SH3TC1: variants seen among roughly 807,000 people sequenced by gnomAD.
SH3TC1 encodes the protein SH3 domain and tetratricopeptide repeats 1.
In SH3TC1, 135 loss-of-function variants were observed where a neutral mutation model predicts 117.3. The ratio of observed to expected loss-of-function variants is 1.15; its 90% CI spans 1.00 to 1.33. SH3TC1 has a LOEUF of 1.33. SH3TC1 is among the 40% of genes most tolerant of loss of function. The pLI is 0.00. For synonymous variants in SH3TC1, 898 were observed against 816.9 expected, an observed-to-expected ratio of 1.10 and a Z score of -1.69; for missense variants, 2,092 against 1,794.3, an observed-to-expected ratio of 1.17 and a Z score of -3.00.
chr4:8,227,327 C>A lies in SH3TC1; in HGVS notation c.1633C>A (p.Gln545Lys). 6.2e-7 allele frequency: 1 copy of A among 1,609,310 alleles called. No individual in the cohort carries two copies. The stretch of plus-strand genomic sequence containing the variant: ...GGAGGAGCTGACTGGGCGCCTGGCA[C>A]AGGCCCGGGGGGCGGCCAAGAAAGC... Reference protein sequence around the residue: ...DEEELTGRLAQARGAAKKAGL... With the variant: ...DEEELTGRLAKARGAAKKAGL... The change falls in exon 12 of 18, where the codon CAG becomes AAG. Residue 545 changes from glutamine to lysine, a missense_variant. Gln to Lys is a moderately conservative substitution (Grantham distance 53, BLOSUM62 1). Coordinates refer to ENST00000245105, the MANE Select transcript of SH3TC1 (RefSeq NM_018986.5).
chr4:8,230,593 T>C (rs572293734), intron 12 of SH3TC1, among the ~76,000 whole-genome samples: 116 of 152,328 alleles, frequency 7.6e-4, no homozygotes, highest in African/African-American at 2.7e-3. Context: ...ATTTCCACTC[T>C]CATGTTTATT....
chr4:8,227,322 T>C lies in SH3TC1; in HGVS notation c.1628T>C (p.Leu543Pro), dbSNP rs1720565155. Reference protein sequence around the residue: ...FSDEEELTGRLAQARGAAKKA... With the variant: ...FSDEEELTGRPAQARGAAKKA... ...GACGAGGAGGAGCTGACTGGGCGCCTGGCACAGGCCCGGGGGGCGGCCAAG... is the reference window on the plus strand; with the variant it reads ...GACGAGGAGGAGCTGACTGGGCGCCCGGCACAGGCCCGGGGGGCGGCCAAG... Residue 543 changes from leucine (L) to proline (P), a missense_variant, in exon 12 of 18, where the codon CTG (leucine) becomes CCG (proline). Transcript: ENST00000245105. The C allele has an allele frequency of 6.2e-7, 1 of 1,609,946 alleles. No homozygotes were observed. The highest frequency in any genetic ancestry group is 2.2e-5 in the East Asian group (1 of 44,856).
intron 4 of SH3TC1, chr4:8,213,218 C>T (rs766416917): frequency 5.4e-6 from 1 of 185,470 alleles, no homozygotes; most frequent in South Asian, 1.1e-4. Flanking sequence ...TCTGCACATA[C>T]CAGCCTTCTG....
rs1719490909 is a variant in SH3TC1 at position 8,218,154 on chromosome 4, G to C, written c.840-117G>C. On this transcript the variant is annotated intron_variant, in intron 7 of 17. Transcript: ENST00000245105. ...TGTGTGTGCACGTGTGTGTGTTGGG[G>C]GAGGCGAGGGACCTGCTCAGGTTGC... 5 of 625,392 alleles carry C rather than the reference G, an allele frequency of 8.0e-6. No homozygotes were observed. The South Asian group carries it at 8.0e-5, about 10-fold the overall frequency. 38.7% of individuals were successfully genotyped at this position (625,392 alleles called of 1,614,324 possible).
intron 8 of SH3TC1, 46 bp from the exon 9 acceptor site, chr4:8,219,289 C>G (rs1449977226): frequency 1.3e-6 from 2 of 1,502,422 alleles, no homozygotes; most frequent in Non-Finnish European, 1.8e-6. Context: ...CCGCTCTGGC[C>G]CCCATTTGGT....
chr4:8,217,196 G>A (rs1439427718), intron 7 of SH3TC1, 29 bp downstream of exon 7: 1 of 1,572,760 alleles, frequency 6.4e-7, no homozygotes, highest in African/African-American at 1.4e-5. Flanking sequence ...TGCTCTGAGA[G>A]CTGTTGGCCT....
chr4:8,184,626 G>C (rs572543746), intron 1 of SH3TC1, among the ~76,000 whole-genome samples: 85 of 152,102 alleles, frequency 5.6e-4, no homozygotes, highest in African/African-American at 1.9e-3. Context: ...TGATCCTCCC[G>C]CCTCAGCCTC....
chr4:8,231,860 G>A (rs977421066), intron 12 of SH3TC1, 116 bp from the exon 13 acceptor site: 136 of 1,261,440 alleles, frequency 1.1e-4, no homozygotes, highest in Admixed American at 1.5e-4. Flanking sequence ...CCCCGCCTGT[G>A]GGGCCCAGGC....
upstream of SH3TC1, among the ~76,000 whole-genome samples, chr4:8,197,149 G>T (rs904426548): frequency 1.4e-4 from 21 of 152,166 alleles, no homozygotes; most frequent in African/African-American, 5.1e-4. Flanking sequence ...AGACACAGAG[G>T]AGGAGGCTGG....
At chr4:8,224,608 C>T (rs1241713350) in intron 10 of SH3TC1, 1 of 153,320 alleles carries the variant, frequency 6.5e-6, no homozygotes, top group South Asian at 2.0e-4. Context: ...CTATTTCTCA[C>T]TTGACCTCCA....
intron 1 of SH3TC1, among the ~76,000 whole-genome samples, chr4:8,204,334 G>C (rs1188771076): frequency 6.6e-6 from 1 of 152,186 alleles, no homozygotes; most frequent in Non-Finnish European, 1.5e-5. Context: ...ATTTCACCAA[G>C]CAGGGGCAGC....
intron 4 of SH3TC1, among the ~76,000 whole-genome samples, chr4:8,213,542 A>G (rs1438097160): frequency 1.3e-5 from 2 of 152,190 alleles, no homozygotes; most frequent in African/African-American, 2.4e-5. Flanking sequence ...GAACTGGGTC[A>G]GCATGCTGGC....
chr4:8,241,054 ACG>A lies in SH3TC1; in HGVS notation c.*101_*102del. On this transcript the variant is annotated 3_prime_UTR_variant, in exon 18 of 18. Coordinates refer to ENST00000245105, the MANE Select transcript of SH3TC1 (RefSeq NM_018986.5). Reference sequence around the variant, plus strand: ...CATTTTCTGGCAAATGGAGGCACGAACGCAGGGGCCAAATAGCAATAAATGGG... The same window carrying A: ...CATTTTCTGGCAAATGGAGGCACGAACAGGGGCCAAATAGCAATAAATGGG... The A allele has an allele frequency of 6.6e-7, 1 of 1,505,828 alleles. No homozygotes were observed. Among genetic ancestry groups the A allele is most frequent in the South Asian group, 1.2e-5 (1 of 81,864 alleles). 93.3% of individuals were successfully genotyped at this position (1,505,828 alleles called of 1,614,324 possible).
intron 12 of SH3TC1, among the ~76,000 whole-genome samples, chr4:8,229,995 G>A (rs554714389): frequency 2.6e-4 from 37 of 143,316 alleles, no homozygotes; most frequent in African/African-American, 8.6e-4. Context: ...CCCACCCCGC[G>A]TTGAACAGTC....
chr4:8,189,054 G>A (rs2152974308), intron 1 of SH3TC1, among the ~76,000 whole-genome samples: 1 of 152,400 alleles, frequency 6.6e-6, no homozygotes, highest in African/African-American at 2.4e-5. Flanking sequence ...ACACAGCTTT[G>A]CCTCAGCAGA....
rs769275364 is a variant in SH3TC1, at chr4:8,209,768, G to A, written c.193G>A (p.Val65Met). 26 of 1,613,586 alleles carry A rather than the reference G, an allele frequency of 1.6e-5. No homozygotes were observed. Among genetic ancestry groups the A allele is most frequent in the Admixed American group, 1.3e-4 (8 of 59,998 alleles). ...VRGDEAPPAR[V>M]AGPAAGTPPC... is the part of the protein sequence containing the mutation. ...TGCAGACGAGGCTCCTCCTGCCCGC[G>A]TGGCTGGGCCTGCTGCTGGGACCCC... Residue 65 changes from valine (V) to methionine (M), a missense_variant, in exon 3 of 18, where the codon GTG becomes ATG. Physicochemically the swap from Val to Met is conservative, Grantham distance 21 (BLOSUM62 1). Coordinates refer to ENST00000245105, the MANE Select transcript of SH3TC1 (RefSeq NM_018986.5). The surrounding 1 kb of genome is among the most constrained non-coding windows in gnomAD (Gnocchi z 5.9).
Position 8,190,039 on chromosome 4 carries a change from C to T in SH3TC1, c.-57+7829C>T, listed in dbSNP as rs976603459. Among the ~76,000 whole-genome samples the T allele has an allele frequency of 1.3e-5, 2 of 152,144 alleles. No homozygotes were observed. Among genetic ancestry groups the T allele is most frequent in the African/African-American group, 2.4e-5 (1 of 41,420 alleles). The stretch of plus-strand genomic sequence containing the variant: ...AGTTTTGGGGAGCGCGGCGTGGGTG[C>T]GTTGATGCGAGGCCAGGAAGTAGGG... On this transcript the variant is annotated intron_variant, in intron 1 of 16. Transcript: ENST00000508641. The surrounding 1 kb of genome is among the most constrained non-coding windows in gnomAD (Gnocchi z 4.7).
At chr4:8,240,621 G>A in intron 17 of SH3TC1, 77 bp from the exon 18 acceptor site, 1 of 1,584,516 alleles carries the variant, frequency 6.3e-7, no homozygotes, top group Non-Finnish European at 8.6e-7. Context: ...CATGTGGAAT[G>A]ACCTGGGCAC....
Position 8,200,788 on chromosome 4 carries a change from T to G in SH3TC1, c.-29+1383T>G, listed in dbSNP as rs1352159394. 5.9e-5 allele frequency among the ~76,000 whole-genome samples: 9 copies of G among 152,334 alleles called. No homozygotes were observed. The East Asian group carries it at 1.7e-3, about 29-fold the overall frequency. On this transcript the variant is annotated intron_variant, in intron 1 of 17. Coordinates refer to ENST00000245105, the MANE Select transcript of SH3TC1 (RefSeq NM_018986.5). ...GCGGCTCCTCCCTGCCTCTTCCCGC[T>G]GCCTGTGGCTCAGGGCGCTCCTTGG...
Sources: allele counts gnomAD v4.1 joint callset (sites outside exome capture counted in the v4.1 genomes callset), GRCh38; gene constraint gnomAD v4.1.1; non-coding constraint Gnocchi (gnomAD v3.1); transcripts MANE v1.5; gene names NCBI Gene and HGNC (gene_info 2026-07-23, HGNC 2026-07-21).